Variants in RIT2 observed in about 807,000 individuals in gnomAD.
RIT2 encodes GTP-binding protein Rit2.
A neutral mutation model predicts 23.7 loss-of-function variants in RIT2; 24 were observed. The observed-to-expected ratio is 1.01, with a 90% confidence interval of 0.73 to 1.43. RIT2 has a LOEUF of 1.43. Ranked by LOEUF, RIT2 falls within the 40% of genes most tolerant of loss-of-function variation. The pLI is 0.00. For missense variants in RIT2, 236 were observed against 266.9 expected (o/e 0.88, Z 0.81); for synonymous variants, 107 against 91.1 (o/e 1.17, Z -0.99).
intron 3 of RIT2, among the ~76,000 whole-genome samples, chr18:42,928,448 A>G (rs573822290): frequency 1.3e-5 from 2 of 152,172 alleles, no homozygotes; most frequent in South Asian, 4.1e-4. Context: ...AAGATTATGT[A>G]TAGTCACTCT....
intron 4 of RIT2, among the ~76,000 whole-genome samples, chr18:42,765,827 C>T (rs1269725467): frequency 6.6e-6 from 1 of 152,092 alleles, no homozygotes; most frequent in Admixed American, 6.6e-5. Flanking sequence ...GGGAGTAACC[C>T]AGTTTTCGGT....
intron 1 of RIT2, among the ~76,000 whole-genome samples, chr18:43,094,115 TTTTTTTTG>T (rs1913490203): frequency 1.4e-5 from 1 of 71,074 alleles, no homozygotes; most frequent in Non-Finnish European, 3.3e-5. Context: ...TATTAGTGGG[TTTTTTTTG>T]TTTTTTTTTT....
chr18:42,991,791 C>T (rs916666672), intron 2 of RIT2, among the ~76,000 whole-genome samples: 3 of 152,050 alleles, frequency 2.0e-5, no homozygotes, highest in Non-Finnish European at 4.4e-5. Context: ...AACAACCCCC[C>T]TTTGACTGTA....
intron 2 of RIT2, among the ~76,000 whole-genome samples, chr18:43,019,109 A>AT (rs1288147164): frequency 5.3e-5 from 8 of 151,928 alleles, no homozygotes; most frequent in Non-Finnish European, 1.0e-4. Context: ...GGCTGAATAG[A>AT]TTTTTTTAAA....
chr18:43,031,688 T>C (rs1049895223), intron 2 of RIT2, among the ~76,000 whole-genome samples: 1 of 152,072 alleles, frequency 6.6e-6, no homozygotes, highest in Non-Finnish European at 1.5e-5. Flanking sequence ...AGAATAACTC[T>C]AAGCTGAATA....
At chr18:42,985,517 C>T (rs1910689302) in intron 2 of RIT2, among the ~76,000 whole-genome samples, 1 of 152,090 alleles carries the variant, frequency 6.6e-6, no homozygotes, top group Non-Finnish European at 1.5e-5. Flanking sequence ...TAATTCATAG[C>T]AGTTAAGACA....
chr18:42,781,995 TAAC>T (rs1305908965), intron 4 of RIT2, among the ~76,000 whole-genome samples: 1 of 152,242 alleles, frequency 6.6e-6, no homozygotes, highest in East Asian at 1.9e-4. Flanking sequence ...TAAATATTTA[TAAC>T]AACTCCTTGA....
At chr18:43,090,097 C>T (rs1381571454) in intron 1 of RIT2, among the ~76,000 whole-genome samples, 1 of 152,056 alleles carries the variant, frequency 6.6e-6, no homozygotes, top group African/African-American at 2.4e-5. Flanking sequence ...ACAGAGTGAA[C>T]AGACAACCTA....
intron 4 of RIT2, among the ~76,000 whole-genome samples, chr18:42,775,745 A>G (rs1277726984): frequency 7.2e-5 from 11 of 151,856 alleles, no homozygotes; most frequent in Non-Finnish European, 2.9e-5. Flanking sequence ...TACCCTCTTA[A>G]GAGTAAACAG....
intron 1 of RIT2, among the ~76,000 whole-genome samples, chr18:43,104,975 T>G (rs1174406132): frequency 6.6e-6 from 1 of 151,986 alleles, no homozygotes; most frequent in East Asian, 1.9e-4. Flanking sequence ...ATTGGAAAAA[T>G]TAATTTCAGT....
chr18:42,974,170 T>C, intron 2 of RIT2, 23 bp from the exon 3 acceptor site: 3 of 1,533,984 alleles, frequency 2.0e-6, no homozygotes, highest in Non-Finnish European at 2.7e-6. Context: ...AGACAACATT[T>C]ACATTTAAAT....
intron 1 of RIT2, among the ~76,000 whole-genome samples, chr18:43,084,896 A>G (rs1339748703): frequency 6.6e-6 from 1 of 152,202 alleles, no homozygotes; most frequent in Non-Finnish European, 1.5e-5. Context: ...GTATAATAAA[A>G]AAAGTTAGTC....
intron 4 of RIT2, among the ~76,000 whole-genome samples, chr18:42,787,013 A>G (rs1342282045): frequency 6.6e-6 from 1 of 152,156 alleles, no homozygotes; most frequent in Admixed American, 6.5e-5. Flanking sequence ...TCCAGGAAAA[A>G]GAAAATAACA....
At chr18:43,060,599 A>G (rs553742167) in intron 1 of RIT2, among the ~76,000 whole-genome samples, 1 of 152,296 alleles carries the variant, frequency 6.6e-6, no homozygotes, top group African/African-American at 2.4e-5. Context: ...CAATGATGCC[A>G]ATGATGTTAA....
chr18:43,052,954 C>A (rs1000121030), intron 1 of RIT2, among the ~76,000 whole-genome samples: 1 of 151,920 alleles, frequency 6.6e-6, no homozygotes, highest in Non-Finnish European at 1.5e-5. Flanking sequence ...TTGATAGATA[C>A]TATTTCATGC....
At chr18:42,805,562 C>T (rs1905660872) in intron 4 of RIT2, among the ~76,000 whole-genome samples, 1 of 152,080 alleles carries the variant, frequency 6.6e-6, no homozygotes, top group Admixed American at 6.6e-5. Flanking sequence ...TTCTAGATTG[C>T]ATTTCAAATG....
At chr18:42,974,452 CAA>C (rs1910435118) in intron 2 of RIT2, among the ~76,000 whole-genome samples, 1 of 151,878 alleles carries the variant, frequency 6.6e-6, no homozygotes, top group Non-Finnish European at 1.5e-5. Flanking sequence ...CAATGCAGGG[CAA>C]AATTGCATCC....
At chr18:42,829,344 G>A (rs758773922) in intron 4 of RIT2, among the ~76,000 whole-genome samples, 12 of 152,138 alleles carry the variant, frequency 7.9e-5, no homozygotes, top group Middle Eastern at 3.4e-3. Flanking sequence ...TATAAAACAC[G>A]CATCTCTTCA....
intron 4 of RIT2, among the ~76,000 whole-genome samples, chr18:42,840,613 T>C (rs1223591002): frequency 6.6e-6 from 1 of 152,188 alleles, no homozygotes. Context: ...GCGATTCTCT[T>C]GCCTCAGCCT....
Sources: allele counts gnomAD v4.1 joint callset (sites outside exome capture counted in the v4.1 genomes callset), GRCh38; gene constraint gnomAD v4.1.1; transcripts MANE v1.5; gene names NCBI Gene and HGNC (gene_info 2026-07-23, HGNC 2026-07-21).